CBLB: variants seen among roughly 807,000 people sequenced by gnomAD.
CBLB encodes the protein E3 ubiquitin-protein ligase CBL-B.
CBLB carries 31 observed loss-of-function variants against 104.9 expected under a neutral mutation model. The ratio of observed to expected loss-of-function variants is 0.30; its 90% CI spans 0.22 to 0.40. The LOEUF is 0.40. CBLB is among the 10% of genes least tolerant of loss of function. The pLI is 1.00. For missense variants in CBLB, 1,062 were observed against 1,214.6 expected (o/e 0.87, Z 1.87); for synonymous variants, 440 against 422.6 (o/e 1.04, Z -0.51).
At position 105,726,767 on chromosome 3, in the gene CBLB, T is replaced by C. The variant is rs529027529; in HGVS notation, c.1204-6517A>G. Among the ~76,000 whole-genome samples, 7 of 152,316 alleles carry C rather than the reference T, an allele frequency of 4.6e-5. No homozygotes were observed. The South Asian group carries it at 1.4e-3, about 32-fold the overall frequency. On this transcript the variant is annotated intron_variant, in intron 9 of 18. Coordinates refer to ENST00000394030, the MANE Select transcript of CBLB (RefSeq NM_170662.5). ...CCCTCCTGGGTCCATGTGTTCTCAA[T>C]GTTCAACTTCCACTTATGAGTGAGA... is the stretch of plus-strand genomic sequence containing the variant.
At chr3:105,858,428 T>G (rs984811714) in intron 2 of CBLB, among the ~76,000 whole-genome samples, 4 of 152,170 alleles carry the variant, frequency 2.6e-5, no homozygotes, top group South Asian at 4.1e-4. Context: ...AAAATCAAGC[T>G]CACCACCAGG....
chr3:105,778,668 A>G (rs1455099925), intron 3 of CBLB, among the ~76,000 whole-genome samples: 1 of 152,140 alleles, frequency 6.6e-6, no homozygotes, highest in Non-Finnish European at 1.5e-5. Context: ...TGTACCCATA[A>G]ACAATCTGGA....
At chr3:105,783,715 G>A (rs183758956) in intron 3 of CBLB, among the ~76,000 whole-genome samples, 277 of 152,272 alleles carry the variant, frequency 1.8e-3, no homozygotes, top group Non-Finnish European at 3.0e-3. Context: ...GCAATCAGAA[G>A]AGAGAGAGTG....
chr3:105,853,636 T>C lies in CBLB; in HGVS notation c.197A>G (p.Gln66Arg). 1 of 1,607,908 alleles carries C rather than the reference T, an allele frequency of 6.2e-7. No homozygotes were observed. The highest frequency in any genetic ancestry group is 8.5e-7 in the Non-Finnish European group (1 of 1,176,052). Residue 66 changes from glutamine (Q) to arginine (R), a missense_variant, in exon 3 of 19, where the codon CAG becomes CGG. Physicochemically the swap from Gln to Arg is conservative, Grantham distance 43. Around this residue, in one of 2 missense-constraint regions of CBLB, gnomAD observed 457 missense variants for 632.0 expected, o/e 0.72. Coordinates refer to ENST00000394030, the MANE Select transcript of CBLB (RefSeq NM_170662.5). ...TATATATGGTGGGCTATTTTTCAAC[T>C]GAAGTTTGGGATTTTGGCACAGTCT... ...VVRLCQNPKL[Q>R]LKNSPPYILD...
Position 105,685,474 on chromosome 3 carries a change from G to A in CBLB, c.2055-8C>T. On this transcript the variant is annotated splice_polypyrimidine_tract_variant and splice_region_variant and intron_variant, in intron 13 of 18. Transcript: ENST00000394030. ...GCTAACGGACCAGTACACCTACCAG[G>A]GGAAAAAAAATCCAATCTAGTTTAA... 1.2e-6 allele frequency: 2 copies of A among 1,610,832 alleles called. No homozygotes were observed. The highest frequency in any genetic ancestry group is 1.7e-6 in the Non-Finnish European group (2 of 1,177,672).
chr3:105,727,477 T>A (rs1005512581), intron 9 of CBLB, among the ~76,000 whole-genome samples: 3 of 152,178 alleles, frequency 2.0e-5, no homozygotes, highest in African/African-American at 7.2e-5. Flanking sequence ...ACTGTAAAAA[T>A]TTTCCCTCAT....
chr3:105,863,734 C>T (rs1396578314), intron 2 of CBLB, among the ~76,000 whole-genome samples: 1 of 152,076 alleles, frequency 6.6e-6, no homozygotes, highest in Non-Finnish European at 1.5e-5. Flanking sequence ...CAGGAAAAGC[C>T]TACTGGGCAT....
At chr3:105,664,079 A>G (rs1474437196) in intron 18 of CBLB, among the ~76,000 whole-genome samples, 2 of 152,070 alleles carry the variant, frequency 1.3e-5, no homozygotes, top group Non-Finnish European at 2.9e-5. Flanking sequence ...CTCATCATCT[A>G]AAGATTGGGT....
intron 2 of CBLB, among the ~76,000 whole-genome samples, chr3:105,856,348 CAAAAAAA>C (rs1169479720): frequency 1.6e-4 from 5 of 31,102 alleles, no homozygotes; most frequent in African/African-American, 2.3e-4. Context: ...GACTCCATCT[CAAAAAAA>C]AAAAAAAAAA....
At chr3:105,814,997 A>G (rs1388764692) in intron 3 of CBLB, among the ~76,000 whole-genome samples, 1 of 146,232 alleles carries the variant, frequency 6.8e-6, no homozygotes, top group Non-Finnish European at 1.5e-5. Context: ...CTTAGCCACT[A>G]ATATCCCAAC....
chr3:105,783,918 C>A (rs977914492), intron 3 of CBLB, among the ~76,000 whole-genome samples: 4 of 152,082 alleles, frequency 2.6e-5, no homozygotes, highest in African/African-American at 9.7e-5. Context: ...CTACAATAAA[C>A]CTTATCTCAA....
rs201462699 is a variant in CBLB, at chr3:105,737,264, T to G, written c.984-6A>C. 1.4e-6 allele frequency: 2 copies of G among 1,440,720 alleles called. No individual in the cohort carries two copies. The highest frequency in any genetic ancestry group is 1.9e-6 in the Non-Finnish European group (2 of 1,031,704). 89.2% of individuals were successfully genotyped at this position (1,440,720 alleles called of 1,614,324 possible). On this transcript the variant is annotated splice_polypyrimidine_tract_variant and splice_region_variant and intron_variant, in intron 7 of 18. Transcript: ENST00000394030. The stretch of plus-strand genomic sequence containing the variant: ...TCCCATCAGGATAAAGATAACTGAA[T>G]TTAAACAGAAACTTTATTACCTTAA...
chr3:105,776,972 A>C (rs1020731962), intron 3 of CBLB, among the ~76,000 whole-genome samples: 1 of 152,210 alleles, frequency 6.6e-6, no homozygotes, highest in African/African-American at 2.4e-5. Flanking sequence ...TTGACAGATA[A>C]AAGACCTGGA....
intron 4 of CBLB, among the ~76,000 whole-genome samples, chr3:105,754,515 G>C (rs865978434): frequency 3.7e-5 from 4 of 106,854 alleles, no homozygotes; most frequent in East Asian, 5.6e-4. Context: ...GAGAGAGAGA[G>C]AGAGAGACAG....
chr3:105,760,765 AC>A (rs1247805570), intron 4 of CBLB, among the ~76,000 whole-genome samples: 1 of 152,190 alleles, frequency 6.6e-6, no homozygotes, highest in Non-Finnish European at 1.5e-5. Flanking sequence ...CATTTCTAAA[AC>A]CCTGAAAGAA....
At chr3:105,839,428 T>C (rs2089198278) in intron 3 of CBLB, 1 of 152,260 alleles carries the variant, frequency 6.6e-6, no homozygotes, top group African/African-American at 2.4e-5. Context: ...CCTACCATTT[T>C]TTTTGCCTTT....
chr3:105,794,956 G>A (rs1013745224), intron 3 of CBLB, among the ~76,000 whole-genome samples: 9 of 148,866 alleles, frequency 6.0e-5, no homozygotes, highest in Non-Finnish European at 8.9e-5. Context: ...TCACTCTGTC[G>A]CCGGGCTGGA....
chr3:105,773,750 T>C (rs1344246361), intron 4 of CBLB, among the ~76,000 whole-genome samples: 2 of 152,260 alleles, frequency 1.3e-5, no homozygotes, highest in African/African-American at 4.8e-5. Context: ...AATGTCACTT[T>C]TCTTTTCCTA....
At chr3:105,784,226 C>A (rs771092054) in intron 3 of CBLB, among the ~76,000 whole-genome samples, 17 of 152,062 alleles carry the variant, frequency 1.1e-4, no homozygotes, top group Non-Finnish European at 2.2e-4. Context: ...AAAATGTAGA[C>A]CACTCCATTG....
Sources: gnomAD v4.1 joint callset for allele counts (sites outside exome capture counted in the v4.1 genomes callset) on GRCh38, gnomAD v4.1.1 for gene constraint, gnomAD v4.1.1 regional missense constraint, MANE v1.5 for transcripts, NCBI Gene and HGNC (gene_info 2026-07-23, HGNC 2026-07-21) for gene names.